Variants in RTN1 observed in about 807,000 individuals in gnomAD.
RTN1 encodes the protein reticulon-1.
RTN1 carries 25 observed loss-of-function variants against 65.5 expected under a neutral mutation model. That is an observed-to-expected ratio of 0.38 (90% CI 0.28 to 0.53). RTN1 has a LOEUF of 0.53. RTN1 is among the 20% of genes least tolerant of loss of function. The probability of loss-of-function intolerance (pLI) is 0.79; values close to 1 mark genes in which losing one functional copy is unlikely to be tolerated. For missense variants in RTN1, 983 were observed against 1,025.4 expected (o/e 0.96, Z 0.57); for synonymous variants, 471 against 447.6 (o/e 1.05, Z -0.66).
At chr14:59,645,475 C>T (rs1184172738) in intron 3 of RTN1, among the ~76,000 whole-genome samples, 1 of 150,860 alleles carries the variant, frequency 6.6e-6, no homozygotes, top group Non-Finnish European at 1.5e-5. Flanking sequence ...TCCCTGTTCC[C>T]GTATCTCCTC....
intron 1 of RTN1, among the ~76,000 whole-genome samples, chr14:59,754,589 C>T (rs547969368): frequency 6.6e-6 from 1 of 152,244 alleles, no homozygotes; most frequent in East Asian, 1.9e-4. Flanking sequence ...ATAATAACCC[C>T]CACCTTACTG....
At chr14:59,793,961 C>T (rs765655187) in intron 1 of RTN1, among the ~76,000 whole-genome samples, 15 of 152,200 alleles carry the variant, frequency 9.9e-5, no homozygotes, top group East Asian at 9.6e-4. Context: ...TCCTTAGATC[C>T]GCTTATCTTC....
chr14:59,669,785 G>T (rs1348971663), intron 3 of RTN1, among the ~76,000 whole-genome samples: 1 of 152,104 alleles, frequency 6.6e-6, no homozygotes, highest in South Asian at 2.1e-4. Context: ...TAACCTTAAG[G>T]TTCACACTGC....
chr14:59,610,115 T>G (rs1175716147), intron 3 of RTN1: 1 of 777,518 alleles, frequency 1.3e-6, no homozygotes, highest in Non-Finnish European at 2.4e-6. Context: ...AATGAATTGC[T>G]TTATACCTGG....
rs774086177 is a variant in RTN1 at position 59,770,378 on chromosome 14, CAAAAAA to C, written c.242-23903_242-23898del. Among the ~76,000 whole-genome samples the C allele has an allele frequency of 9.3e-5, 5 of 53,734 alleles. No individual in the cohort carries two copies. The East Asian group carries it at 2.3e-3, about 25-fold the overall frequency. The allele number at this position is 53,734 out of a possible 152,430, so 35.3% of individuals were successfully genotyped here. A position where few individuals can be genotyped will look rare whatever the true frequency, so the allele number is the denominator to read the frequency against. The stretch of plus-strand genomic sequence containing the variant: ...GGGGAACAAGAGTGAAACTCTGCCT[CAAAAAA>C]AAAAAAAAAAAAAAAAAAAAGAACA... On this transcript the variant is annotated intron_variant, in intron 1 of 8. Transcript: ENST00000267484.
chr14:59,609,682 C>T (rs983159162), intron 3 of RTN1, among the ~76,000 whole-genome samples: 1 of 152,268 alleles, frequency 6.6e-6, no homozygotes, highest in South Asian at 2.1e-4. Flanking sequence ...CTTTGACGGT[C>T]CGGGGCCTCC....
intron 3 of RTN1, among the ~76,000 whole-genome samples, chr14:59,630,290 T>G (rs937958485): frequency 2.6e-5 from 4 of 151,936 alleles, no homozygotes; most frequent in Non-Finnish European, 4.4e-5. Context: ...CCATCCATTT[T>G]GATTCTTGAA....
At chr14:59,633,586 A>C (rs1458316895) in intron 3 of RTN1, among the ~76,000 whole-genome samples, 1 of 152,226 alleles carries the variant, frequency 6.6e-6, no homozygotes, top group Non-Finnish European at 1.5e-5. Flanking sequence ...AAGATATGTA[A>C]ATTTTCCTTA....
In RTN1 at chr14:59,727,832, T is replaced by C; in HGVS notation, c.1016-164A>G. 1.2e-5 allele frequency: 13 copies of C among 1,051,538 alleles called. No homozygotes were observed. The highest frequency in any genetic ancestry group is 1.6e-5 in the Non-Finnish European group (12 of 765,142). 65.1% of individuals were successfully genotyped at this position (1,051,538 alleles called of 1,614,324 possible). ...CAAAAATAATCTGTTTCCAGGGCTA[T>C]GCTGGAAAGACAGGCCACCTGAACT... On this transcript the variant is annotated intron_variant, in intron 2 of 8. Transcript: ENST00000267484. The surrounding 1 kb of genome is among the most constrained non-coding windows in gnomAD (Gnocchi z 4.2).
At position 59,727,117 on chromosome 14, in the gene RTN1, G is replaced by A. The variant is rs1418893563; in HGVS notation, c.1567C>T (p.Leu523Phe). Residue 523 changes from leucine to phenylalanine, a missense_variant, in exon 3 of 9, where the codon CTC (leucine) becomes TTC (phenylalanine). Around this residue, in one of 2 missense-constraint regions of RTN1, gnomAD observed 818 missense variants for 801.8 expected, o/e 1.02. Transcript: ENST00000267484. The surrounding 1 kb of genome is among the most constrained non-coding windows in gnomAD (Gnocchi z 4.2). ...TGGGGCTCAGTTGAGGGGTAGTCGA[G>A]GAAGGAACCCGGCTCGGCCAGGCCC... Reference protein sequence around the residue: ...RRGLAEPGSFLDYPSTEPQPG... With the variant: ...RRGLAEPGSFFDYPSTEPQPG... The A allele has an allele frequency of 1.2e-6, 2 of 1,609,156 alleles. 1 individual carries two copies. The highest frequency in any genetic ancestry group is 3.4e-5 in the Admixed American group (2 of 59,328).
intron 3 of RTN1, among the ~76,000 whole-genome samples, chr14:59,720,616 A>G (rs6573281): frequency 0.039 from 5,999 of 151,916 alleles, 400 homozygotes; most frequent in African/African-American, 0.14. Context: ...CCAACTACTC[A>G]GTAGGCTGAA....
chr14:59,602,136 G>T (rs1950789), intron 8 of RTN1, among the ~76,000 whole-genome samples: 112,030 of 152,012 alleles, frequency 0.74, 41,863 homozygotes, highest in East Asian at 0.85. Flanking sequence ...TATAATCTAA[G>T]AGCAGAGGAA....
intron 1 of RTN1, among the ~76,000 whole-genome samples, chr14:59,760,076 G>A (rs762264575): frequency 6.6e-6 from 1 of 152,096 alleles, no homozygotes; most frequent in Non-Finnish European, 1.5e-5. Context: ...TATAGCATAA[G>A]TTGAAAAAAA....
At chr14:59,770,643 C>A (rs1271755837) in intron 1 of RTN1, among the ~76,000 whole-genome samples, 1 of 152,054 alleles carries the variant, frequency 6.6e-6, no homozygotes, top group Admixed American at 6.5e-5. Context: ...CCCAGAAATT[C>A]ATTGGAATTA....
chr14:59,772,236 C>A (rs1885972767), intron 1 of RTN1, among the ~76,000 whole-genome samples: 1 of 152,140 alleles, frequency 6.6e-6, no homozygotes, highest in South Asian at 2.1e-4. Context: ...TATTAATCAA[C>A]ATGTTGTTTA....
chr14:59,852,853 T>C (rs1887533777), intron 1 of RTN1, among the ~76,000 whole-genome samples: 1 of 152,254 alleles, frequency 6.6e-6, no homozygotes, highest in Non-Finnish European at 1.5e-5. Flanking sequence ...TAGACTGCTC[T>C]TCCTCATAGT....
At chr14:59,645,013 G>C (rs1416394764) in intron 3 of RTN1, among the ~76,000 whole-genome samples, 1 of 151,960 alleles carries the variant, frequency 6.6e-6, no homozygotes, top group Non-Finnish European at 1.5e-5. Flanking sequence ...TCTTGCCATA[G>C]GGCTCTAGAG....
chr14:59,630,018 T>G (rs1882500840), intron 3 of RTN1, among the ~76,000 whole-genome samples: 1 of 152,150 alleles, frequency 6.6e-6, no homozygotes, highest in Non-Finnish European at 1.5e-5. Flanking sequence ...AAGGATGCAC[T>G]CCAGCCCTCT....
chr14:59,749,320 CTATATATCTATATATATCTA>C lies in RTN1; in HGVS notation c.242-2859_242-2840del, dbSNP rs1326216232. ...TATCTATATATATCTATATATATAT[CTATATATCTATATATATCTA>C]TATATATCTATATATATCTATATAT... is the stretch of plus-strand genomic sequence containing the variant. On this transcript the variant is annotated intron_variant, in intron 1 of 8. Coordinates refer to ENST00000267484, the MANE Select transcript of RTN1 (RefSeq NM_021136.3). 1.1e-3 allele frequency among the ~76,000 whole-genome samples: 19 copies of C among 17,772 alleles called. 3 individuals carry two copies. The highest frequency in any genetic ancestry group is 7.6e-3 in the South Asian group (4 of 526). 11.7% of individuals were successfully genotyped at this position (17,772 alleles called of 152,430 possible).
Sources: allele counts gnomAD v4.1 joint callset (sites outside exome capture counted in the v4.1 genomes callset), GRCh38; gene constraint gnomAD v4.1.1; regional missense constraint gnomAD v4.1.1; non-coding constraint Gnocchi (gnomAD v3.1); transcripts MANE v1.5; gene names NCBI Gene and HGNC (gene_info 2026-07-23, HGNC 2026-07-21).